The following ALG12 variants were observed in gnomAD, a reference collection of about 807,000 sequenced individuals.
ALG12 encodes ALG12 alpha-1,6-mannosyltransferase.
In ALG12, 36 loss-of-function variants were observed where a neutral mutation model predicts 46.0. The observed-to-expected ratio is 0.78, with a 90% CI of 0.60 to 1.03. ALG12 has a LOEUF of 1.03. Among genes scored for constraint, ALG12 ranks in the 50% least tolerant of loss-of-function variants. ALG12 has a pLI of 0.00. For missense variants in ALG12, 599 were observed against 633.5 expected (o/e 0.95, Z 0.58); for synonymous variants, 326 against 291.6 (o/e 1.12, Z -1.20).
Position 49,903,782 on chromosome 22 carries a change from G to C in ALG12, c.*56C>G. ...TTGTGCTGGAATTGTGCCAGAAACT[G>C]GTAGTGATAACAGCTCCTGGAAGGC... is the stretch of plus-strand genomic sequence containing the variant. On this transcript the variant is annotated 3_prime_UTR_variant, in exon 10 of 10. Transcript: ENST00000330817. 1 of 1,561,772 alleles carries C rather than the reference G, an allele frequency of 6.4e-7. No individual in the cohort carries two copies. Among genetic ancestry groups the C allele is most frequent in the Non-Finnish European group, 8.8e-7 (1 of 1,132,896 alleles).
rs973484325 is a variant in ALG12 at position 49,906,347 on chromosome 22, C to G, written c.992+1374G>C. On this transcript the variant is annotated intron_variant, in intron 7 of 9. Coordinates refer to ENST00000330817, the MANE Select transcript of ALG12 (RefSeq NM_024105.4). This position sits in a 1 kb window ranked among gnomAD's most constrained non-coding sequence, Gnocchi z 4.4. ...CTCCTCCTCCAGCCCTGAGCCGACC[C>G]CTGAGACGAGAGGGAGCCAAAGGCA... Among the ~76,000 whole-genome samples, 2 of 152,326 alleles carry G rather than the reference C, an allele frequency of 1.3e-5. No homozygotes were observed. Among genetic ancestry groups the G allele is most frequent in the African/African-American group, 4.8e-5 (2 of 41,560 alleles).
the ALG12 span, chr22:49,889,264 A>G: frequency 1.2e-5 from 2 of 167,058 alleles, no homozygotes; most frequent in African/African-American, 4.8e-5. Flanking sequence ...TTCTAAGTGA[A>G]ATTTTCTTGG....
rs774948781 is a variant in ALG12 at position 49,903,889 on chromosome 22, G to A, written c.1416C>T (p.Val472=). 4 of 1,614,236 alleles carry A rather than the reference G, an allele frequency of 2.5e-6. No homozygotes were observed. Among genetic ancestry groups the A allele is most frequent in the Non-Finnish European group, 1.7e-6 (2 of 1,180,026 alleles). Residue 472 remains valine, a synonymous_variant, in exon 10 of 10, where the codon GTC becomes GTT. Transcript: ENST00000330817. ...GAAGCACCAGCTTTGTCTGCAGGTGGACGTTGAAGGGGGGCAGTTGGGTCA... is the reference window on the plus strand; with the variant it reads ...GAAGCACCAGCTTTGTCTGCAGGTGAACGTTGAAGGGGGGCAGTTGGGTCA... ...LNLTQLPPFN[V]HLQTKLVLLE...
intron 1 of ALG12, 81 bp downstream of exon 1, chr22:49,918,182 C>T (rs1006887729): frequency 6.6e-6 from 1 of 152,416 alleles, no homozygotes; most frequent in Non-Finnish European, 1.5e-5. Flanking sequence ...AGCGCCAGCT[C>T]GGGTCGCGCC....
chr22:49,916,096 A>G (rs2146618537), intron 1 of ALG12, among the ~76,000 whole-genome samples: 1 of 151,524 alleles, frequency 6.6e-6, no homozygotes, highest in East Asian at 1.9e-4. Flanking sequence ...CGTCTCTACT[A>G]AAAATACAAA....
the ALG12 span, chr22:49,884,565 C>T: frequency 1.2e-6 from 2 of 1,613,018 alleles, no homozygotes; most frequent in Non-Finnish European, 1.7e-6. Context: ...CACTGGACAA[C>T]TCCAAAGCTG....
At chr22:49,894,320 CAG>C in the ALG12 span, among the ~76,000 whole-genome samples, 1 of 152,286 alleles carries the variant, frequency 6.6e-6, no homozygotes, top group East Asian at 1.9e-4. Context: ...ACATAGGAAA[CAG>C]AGGCAAATGG....
intron 1 of ALG12, among the ~76,000 whole-genome samples, chr22:49,914,182 G>A (rs1285210665): frequency 6.6e-6 from 1 of 152,222 alleles, no homozygotes; most frequent in African/African-American, 2.4e-5. Context: ...AGGAGAGTCA[G>A]CAAAACCCAG....
At chr22:49,864,802 AGAGT>A in the ALG12 span, among the ~76,000 whole-genome samples, 1 of 120,972 alleles carries the variant, frequency 8.3e-6, no homozygotes, top group Non-Finnish European at 1.6e-5. Flanking sequence ...CCTGAGCGCC[AGAGT>A]GAGACCCTGT....
chr22:49,882,765 G>A, the ALG12 span, among the ~76,000 whole-genome samples: 5 of 152,320 alleles, frequency 3.3e-5, no homozygotes, highest in Admixed American at 2.0e-4. Flanking sequence ...ACTTGGGGAC[G>A]GGGCATTGAA....
chr22:49,865,220 G>T, the ALG12 span, among the ~76,000 whole-genome samples: 1 of 152,028 alleles, frequency 6.6e-6, no homozygotes, highest in Non-Finnish European at 1.5e-5. Flanking sequence ...TTGTAACACC[G>T]TGGCAAGTAT....
intron 3 of ALG12, 119 bp downstream of exon 3, chr22:49,913,266 C>T (rs1601826470): frequency 6.6e-6 from 10 of 1,504,646 alleles, no homozygotes; most frequent in South Asian, 4.5e-5. Context: ...CCACGGTGAT[C>T]GAGGGCAGGC....
At chr22:49,899,762 C>T (rs1308467909), downstream of ALG12, among the ~76,000 whole-genome samples, 3 of 152,102 alleles carry the variant, frequency 2.0e-5, no homozygotes, top group Non-Finnish European at 2.9e-5. Context: ...ACCTAACTGA[C>T]CACAGAGAGG....
rs759637710 is a variant in ALG12, at chr22:49,910,000, C to A, written c.558G>T (p.Glu186Asp). Residue 186 changes from glutamate to aspartate, a missense_variant, in exon 5 of 10, where the codon GAG becomes GAT. Physicochemically the swap from Glu to Asp is conservative, Grantham distance 45. Transcript: ENST00000330817. ...SAFAIIVFRV[E>D]LCLFLGLLLL... The stretch of plus-strand genomic sequence containing the variant: ...GCAGGAGGCCCAGGAACAGGCACAG[C>A]TCCACCCTGAACACGATGATGGCGA... The A allele has an allele frequency of 1.9e-6, 3 of 1,613,836 alleles. No homozygotes were observed. The highest frequency in any genetic ancestry group is 2.7e-5 in the African/African-American group (2 of 74,948).
intron 5 of ALG12, 27 bp downstream of exon 5, chr22:49,909,867 A>T (rs9616367): frequency 1.9e-5 from 30 of 1,613,660 alleles, no homozygotes; most frequent in Non-Finnish European, 2.5e-5. Context: ...AAATCCAGTT[A>T]GAAGCATCCC....
At chr22:49,890,976 G>C in the ALG12 span, among the ~76,000 whole-genome samples, 1 of 151,766 alleles carries the variant, frequency 6.6e-6, no homozygotes, top group African/African-American at 2.4e-5. Flanking sequence ...CTTGCAGCTA[G>C]CTGAGATTGT....
rs2060526292 is a variant in ALG12, at chr22:49,903,623, C to A, written c.*215G>T. 2.8e-6 allele frequency: 2 copies of A among 709,910 alleles called. No individual in the cohort carries two copies. Among genetic ancestry groups the A allele is most frequent in the Non-Finnish European group, 2.5e-6 (1 of 394,388 alleles). 44.0% of individuals were successfully genotyped at this position (709,910 alleles called of 1,614,324 possible). A position where few individuals can be genotyped will look rare whatever the true frequency, so the allele number is the denominator to read the frequency against. ...CCCTGGGCAGTGGCTCCCGGGGTGC[C>A]AACAAGACCTGGGCCCCTCGTTCTT... On this transcript the variant is annotated 3_prime_UTR_variant, in exon 10 of 10. Coordinates refer to ENST00000330817, the MANE Select transcript of ALG12 (RefSeq NM_024105.4).
chr22:49,912,730 G>A (rs1210070526), intron 3 of ALG12, among the ~76,000 whole-genome samples: 4 of 152,210 alleles, frequency 2.6e-5, no homozygotes, highest in Non-Finnish European at 4.4e-5. Context: ...GACTGGGCGT[G>A]GTGGCTCATG....
At chr22:49,916,698 C>T (rs1443389352) in intron 1 of ALG12, among the ~76,000 whole-genome samples, 1 of 152,208 alleles carries the variant, frequency 6.6e-6, no homozygotes, top group Non-Finnish European at 1.5e-5. Flanking sequence ...CAAAAATAAT[C>T]CCAGCTACTC....
Sources: allele counts gnomAD v4.1 joint callset (sites outside exome capture counted in the v4.1 genomes callset), GRCh38; gene constraint gnomAD v4.1.1; non-coding constraint Gnocchi (gnomAD v3.1); transcripts MANE v1.5; gene names NCBI Gene and HGNC (gene_info 2026-07-23, HGNC 2026-07-21).